Variants in NALCN observed in about 807,000 individuals in gnomAD.
The protein encoded by NALCN is sodium leak channel NALCN.
A neutral mutation model predicts 225.3 loss-of-function variants in NALCN; 111 were observed. The ratio of observed to expected loss-of-function variants is 0.49; its 90% CI spans 0.42 to 0.58. The LOEUF (loss-of-function observed/expected upper bound fraction) is 0.58, where lower values mean the gene tolerates loss of function less well. Ranked by LOEUF, NALCN falls within the 20% of genes least tolerant of loss-of-function variation. NALCN has a pLI of 0.00. For synonymous variants in NALCN, 764 were observed against 769.0 expected (o/e 0.99, Z 0.11); for missense variants, 1,378 against 2,202.4 (o/e 0.63, Z 7.49).
At chr13:101,153,645 T>G (rs1003530520) in intron 15 of NALCN, among the ~76,000 whole-genome samples, 6 of 152,144 alleles carry the variant, frequency 3.9e-5, no homozygotes, top group Non-Finnish European at 8.8e-5. Flanking sequence ...CCTGCCTCAG[T>G]GGGGCTGCTC....
chr13:101,246,361 T>A (rs924925397), intron 11 of NALCN, among the ~76,000 whole-genome samples: 4 of 152,160 alleles, frequency 2.6e-5, no homozygotes, highest in Non-Finnish European at 5.9e-5. Context: ...AAAAAATGCA[T>A]ATTTATCACA....
At chr13:101,103,778 TAA>T (rs2034954727) in intron 25 of NALCN, among the ~76,000 whole-genome samples, 1 of 152,248 alleles carries the variant, frequency 6.6e-6, no homozygotes, top group South Asian at 2.1e-4. Flanking sequence ...ACAGGAAAAA[TAA>T]AAAATTCTCT....
chr13:101,166,438 T>TA (rs1594347543), intron 15 of NALCN, among the ~76,000 whole-genome samples: 2 of 152,132 alleles, frequency 1.3e-5, no homozygotes, highest in East Asian at 3.9e-4. Context: ...TTCTAATAGG[T>TA]ATAAAGTGGT....
chr13:101,147,715 C>G (rs1032155617), intron 15 of NALCN, among the ~76,000 whole-genome samples: 2 of 152,074 alleles, frequency 1.3e-5, no homozygotes, highest in Non-Finnish European at 2.9e-5. Context: ...AAATCTCAAT[C>G]TTCAATCTAG....
chr13:101,199,399 C>T (rs956176045), intron 13 of NALCN, among the ~76,000 whole-genome samples: 2 of 151,668 alleles, frequency 1.3e-5, no homozygotes, highest in Admixed American at 1.3e-4. Flanking sequence ...GGAACCAACC[C>T]AAATGTCCAA....
intron 13 of NALCN, among the ~76,000 whole-genome samples, chr13:101,220,908 T>C (rs1358096067): frequency 1.3e-5 from 2 of 152,000 alleles, no homozygotes; most frequent in Admixed American, 1.3e-4. Context: ...TATTATTTAA[T>C]ACACAAAATG....
chr13:101,140,089 C>T (rs762522566), intron 17 of NALCN, among the ~76,000 whole-genome samples: 60 of 152,118 alleles, frequency 3.9e-4, no homozygotes, highest in Non-Finnish European at 6.9e-4. Context: ...TTTAAGAAAG[C>T]GTGGATAGTA....
In NALCN at chr13:101,061,961, C is replaced by G; in HGVS notation, c.4755+7G>C. 1 of 1,611,884 alleles carries G rather than the reference C, an allele frequency of 6.2e-7. No individual in the cohort carries two copies. The highest frequency in any genetic ancestry group is 8.5e-7 in the Non-Finnish European group (1 of 1,179,062). ...GGACCCAACCTGCATGTGTGCAGTT[C>G]ACTCACAGCTCTGATGCGCTTCAGG... On this transcript the variant is annotated splice_region_variant and intron_variant, in intron 41 of 43. Coordinates refer to ENST00000251127, the MANE Select transcript of NALCN (RefSeq NM_052867.4).
At chr13:101,370,280 C>G (rs931160718) in intron 6 of NALCN, among the ~76,000 whole-genome samples, 7 of 152,164 alleles carry the variant, frequency 4.6e-5, no homozygotes, top group African/African-American at 1.7e-4. Flanking sequence ...ACTCCTTCCA[C>G]TACAAACAAA....
intron 1 of NALCN, among the ~76,000 whole-genome samples, chr13:101,415,714 AAGGGACATTTAGCAAGG>A (rs2047923966): frequency 6.6e-6 from 1 of 152,214 alleles, no homozygotes; most frequent in South Asian, 2.1e-4. Flanking sequence ...TGAATATCAT[AAGGGACATTTAGCAAGG>A]AGCAATCCAC....
intron 7 of NALCN, among the ~76,000 whole-genome samples, chr13:101,329,245 C>T (rs1237740990): frequency 6.6e-6 from 1 of 152,158 alleles, no homozygotes; most frequent in Non-Finnish European, 1.5e-5. Context: ...GGACAATTTA[C>T]TTGTTTTATA....
At chr13:101,224,239 T>C (rs2140117283) in intron 13 of NALCN, among the ~76,000 whole-genome samples, 1 of 152,284 alleles carries the variant, frequency 6.6e-6, no homozygotes, top group East Asian at 1.9e-4. Flanking sequence ...AAGCTGCTTA[T>C]GTCTCTTTCT....
chr13:101,141,608 G>T (rs982007517), intron 17 of NALCN, among the ~76,000 whole-genome samples: 4 of 151,810 alleles, frequency 2.6e-5, no homozygotes, highest in African/African-American at 9.7e-5. Flanking sequence ...TATCACATTA[G>T]GGGAGGGGAG....
intron 11 of NALCN, among the ~76,000 whole-genome samples, chr13:101,247,686 A>G (rs950312305): frequency 6.6e-6 from 1 of 152,126 alleles, no homozygotes; most frequent in African/African-American, 2.4e-5. Context: ...ATATATGTGC[A>G]GGATATGCAG....
intron 7 of NALCN, among the ~76,000 whole-genome samples, chr13:101,311,632 C>G (rs1021490829): frequency 5.3e-5 from 8 of 151,980 alleles, no homozygotes; most frequent in African/African-American, 1.9e-4. Flanking sequence ...TGGTTTTTGT[C>G]TTTGGTTCTG....
intron 3 of NALCN, among the ~76,000 whole-genome samples, chr13:101,387,243 A>T (rs909364967): frequency 6.7e-6 from 1 of 149,794 alleles, no homozygotes; most frequent in Admixed American, 6.6e-5. Context: ...AAAAAAAAAA[A>T]AAAAAAAAAA....
chr13:101,307,110 T>G (rs1408967537), intron 7 of NALCN, among the ~76,000 whole-genome samples: 1 of 152,202 alleles, frequency 6.6e-6, no homozygotes, highest in African/African-American at 2.4e-5. Flanking sequence ...GGGTAAGGTC[T>G]CAGCTTCATT....
chr13:101,382,075 T>C (rs907531408), intron 3 of NALCN, among the ~76,000 whole-genome samples: 2 of 152,108 alleles, frequency 1.3e-5, no homozygotes, highest in African/African-American at 4.8e-5. Flanking sequence ...GATGAATTTA[T>C]ATTGTACTTT....
chr13:101,256,104 T>A (rs754594661), intron 11 of NALCN, among the ~76,000 whole-genome samples: 4 of 152,164 alleles, frequency 2.6e-5, no homozygotes, highest in Non-Finnish European at 5.9e-5. Flanking sequence ...CATTTCTGCC[T>A]TGACTCCATC....
Sources: allele counts gnomAD v4.1 joint callset (sites outside exome capture counted in the v4.1 genomes callset), GRCh38; gene constraint gnomAD v4.1.1; transcripts MANE v1.5; gene names NCBI Gene and HGNC (gene_info 2026-07-23, HGNC 2026-07-21).